Variants in GRIN2B observed in about 807,000 individuals in gnomAD.
The protein encoded by GRIN2B is glutamate receptor ionotropic, NMDA 2B.
Under a neutral mutation model 114.5 loss-of-function variants are expected in GRIN2B, and 5 were observed. The ratio of observed to expected loss-of-function variants is 0.04; its 90% confidence interval spans 0.02 to 0.09. The LOEUF is 0.09. Among genes scored for constraint, GRIN2B ranks in the 10% least tolerant of loss-of-function variants. The pLI, the probability that GRIN2B is intolerant of heterozygous loss-of-function variation, is 1.00. For synonymous variants in GRIN2B, 787 were observed against 745.1 expected, an observed-to-expected ratio of 1.06 and a Z score of -0.92; for missense variants, 1,108 against 1,943.5, an observed-to-expected ratio of 0.57 and a Z score of 8.08.
intron 4 of GRIN2B, among the ~76,000 whole-genome samples, chr12:13,747,396 A>C (rs933530751): frequency 1.3e-5 from 2 of 152,368 alleles, no homozygotes; most frequent in Non-Finnish European, 2.9e-5. Flanking sequence ...TGTTCTGTAC[A>C]CAGCTAACAC....
At chr12:13,708,720 G>A (rs1175703195) in intron 4 of GRIN2B, among the ~76,000 whole-genome samples, 4 of 151,952 alleles carry the variant, frequency 2.6e-5, no homozygotes, top group Non-Finnish European at 5.9e-5. Context: ...ACACAGAGAG[G>A]TTAATCAACT....
chr12:13,817,409 G>A (rs1359225303), intron 3 of GRIN2B, among the ~76,000 whole-genome samples: 2 of 152,142 alleles, frequency 1.3e-5, no homozygotes, highest in African/African-American at 2.4e-5. Context: ...TATCAGAAAG[G>A]CTCTTGGCCC....
chr12:13,886,217 T>C (rs533575373), intron 2 of GRIN2B, among the ~76,000 whole-genome samples: 3 of 152,252 alleles, frequency 2.0e-5, no homozygotes, highest in African/African-American at 7.2e-5. Context: ...TATTTACCGG[T>C]GTATGTACTG....
chr12:13,756,429 C>A (rs539458223), intron 3 of GRIN2B, among the ~76,000 whole-genome samples: 1 of 152,092 alleles, frequency 6.6e-6, no homozygotes, highest in Admixed American at 6.5e-5. Context: ...CTACAGAGGA[C>A]GACGACAGGA....
At chr12:13,958,790 A>G (rs1463737870) in intron 2 of GRIN2B, among the ~76,000 whole-genome samples, 1 of 151,964 alleles carries the variant, frequency 6.6e-6, no homozygotes, top group Non-Finnish European at 1.5e-5. Context: ...CCCACTACCA[A>G]TACAACCACA....
At chr12:13,956,033 C>G (rs1867584695) in intron 2 of GRIN2B, among the ~76,000 whole-genome samples, 1 of 152,150 alleles carries the variant, frequency 6.6e-6, no homozygotes, top group South Asian at 2.1e-4. Flanking sequence ...TATGGGAAGG[C>G]TTCCTAGAGG....
intron 4 of GRIN2B, among the ~76,000 whole-genome samples, chr12:13,698,462 A>G (rs1052347010): frequency 6.6e-6 from 1 of 152,244 alleles, no homozygotes. Context: ...AATAAACAAA[A>G]TATATTTATA....
intron 2 of GRIN2B, among the ~76,000 whole-genome samples, chr12:13,970,135 G>A (rs962504438): frequency 2.0e-5 from 3 of 152,210 alleles, no homozygotes; most frequent in Admixed American, 1.3e-4. Context: ...TTCTAGTTGG[G>A]GAGATCAAGC....
At chr12:13,595,723 G>T (rs920855709) in intron 10 of GRIN2B, among the ~76,000 whole-genome samples, 7 of 152,154 alleles carry the variant, frequency 4.6e-5, no homozygotes, top group African/African-American at 1.7e-4. Flanking sequence ...AGTGCTGAAG[G>T]CTGCATTGTT....
chr12:13,926,336 A>C (rs1486264503), intron 2 of GRIN2B, among the ~76,000 whole-genome samples: 1 of 152,084 alleles, frequency 6.6e-6, no homozygotes. Context: ...TACCTTATTG[A>C]ATCTCGGGGC....
chr12:13,803,252 G>T (rs1269522066), intron 3 of GRIN2B, among the ~76,000 whole-genome samples: 1 of 152,098 alleles, frequency 6.6e-6, no homozygotes, highest in African/African-American at 2.4e-5. Context: ...GTTAAGTTTT[G>T]GGGAGTCAAA....
intron 2 of GRIN2B, among the ~76,000 whole-genome samples, chr12:13,930,761 G>A (rs906893702): frequency 1.3e-5 from 2 of 152,104 alleles, no homozygotes; most frequent in African/African-American, 4.8e-5. Flanking sequence ...ACCTTGGCAA[G>A]CCAAATCAAA....
rs547514724 is a variant in GRIN2B at position 13,968,397 on chromosome 12, A to G, written c.-19+11531T>C. ...CGACATCTTTACAGGGGTCAACACG[A>G]TAACTGGCTCCCCTAAAGACCTCAT... On this transcript the variant is annotated intron_variant, in intron 2 of 13. Transcript: ENST00000609686. Among the ~76,000 whole-genome samples the G allele has an allele frequency of 2.2e-4, 33 of 152,292 alleles. 1 individual carries two copies. Among genetic ancestry groups the G allele is most frequent in the African/African-American group, 7.7e-4 (32 of 41,566 alleles).
chr12:13,681,764 G>T (rs1950133363), intron 4 of GRIN2B, among the ~76,000 whole-genome samples: 1 of 152,122 alleles, frequency 6.6e-6, no homozygotes, highest in African/African-American at 2.4e-5. Context: ...TAGTAAAAAA[G>T]ATTACTCTAG....
At chr12:13,648,026 G>A (rs1949778914) in intron 5 of GRIN2B, among the ~76,000 whole-genome samples, 1 of 152,080 alleles carries the variant, frequency 6.6e-6, no homozygotes. Flanking sequence ...ATTCATTGGT[G>A]AGGCTTGGCT....
intron 4 of GRIN2B, among the ~76,000 whole-genome samples, chr12:13,708,274 A>G (rs1173297797): frequency 6.6e-6 from 1 of 152,080 alleles, no homozygotes; most frequent in Non-Finnish European, 1.5e-5. Context: ...TTATTCTGTC[A>G]CACTTAAAAC....
intron 3 of GRIN2B, among the ~76,000 whole-genome samples, chr12:13,762,803 A>G (rs1863704569): frequency 6.6e-6 from 1 of 152,222 alleles, no homozygotes; most frequent in Admixed American, 6.5e-5. Flanking sequence ...TGGATCAGTC[A>G]TGCTTGTTTG....
rs1948427119 is a variant in GRIN2B at position 13,552,626 on chromosome 12, A to G, written c.*10157T>C. 1 of 151,800 alleles carries G rather than the reference A, an allele frequency of 6.6e-6. No homozygotes were observed. The allele number at this position is 151,800 out of a possible 1,614,324, so 9.4% of individuals were successfully genotyped here. Reference sequence around the variant, plus strand: ...AGGATGGCTGTCTTCCTACCCTCCCACCAGCTGTTTACCAGATAATTTGTT... The same window carrying G: ...AGGATGGCTGTCTTCCTACCCTCCCGCCAGCTGTTTACCAGATAATTTGTT... On this transcript the variant is annotated 3_prime_UTR_variant, in exon 14 of 14. Transcript: ENST00000609686.
intron 5 of GRIN2B, among the ~76,000 whole-genome samples, chr12:13,671,786 T>C (rs367620906): frequency 1.2e-3 from 185 of 152,258 alleles, no homozygotes; most frequent in African/African-American, 4.2e-3. Context: ...ATCTTTTGAG[T>C]GGTCCAGACA....
Sources: allele counts gnomAD v4.1 joint callset (sites outside exome capture counted in the v4.1 genomes callset), GRCh38; gene constraint gnomAD v4.1.1; transcripts MANE v1.5; gene names NCBI Gene and HGNC (gene_info 2026-07-23, HGNC 2026-07-21).